Variants in MDGA1 observed in about 807,000 individuals in gnomAD.
MDGA1 encodes the protein MAM domain containing glycosylphosphatidylinositol anchor 1.
Under a neutral mutation model 101.5 loss-of-function variants are expected in MDGA1, and 54 were observed. The ratio of observed to expected loss-of-function variants is 0.53; its 90% CI spans 0.43 to 0.67. The LOEUF (loss-of-function observed/expected upper bound fraction) is 0.67. MDGA1 is among the 30% of genes least tolerant of loss of function. The pLI, the probability that MDGA1 is intolerant of heterozygous loss-of-function variation, is 0.00. For synonymous variants in MDGA1, 533 were observed against 558.3 expected (o/e 0.95, Z 0.64); for missense variants, 1,083 against 1,323.8 (o/e 0.82, Z 2.82).
intron 9 of MDGA1, 76 bp from the exon 10 acceptor site, chr6:37,647,400 G>A: frequency 1.1e-6 from 1 of 874,298 alleles, no homozygotes. Flanking sequence ...GTGGGAAAGG[G>A]AAACAAGAGG....
intron 1 of MDGA1, among the ~76,000 whole-genome samples, chr6:37,688,620 G>A (rs1762246665): frequency 6.6e-6 from 1 of 152,184 alleles, no homozygotes; most frequent in African/African-American, 2.4e-5. Context: ...CAAAAGCACA[G>A]CCTATACCTC....
chr6:37,654,255 C>T lies in MDGA1; in HGVS notation c.982+19G>A, dbSNP rs1292367236. ...GTCTGCCTCACAACTTCCCTCCCACCCCTTCTGAGGCCACGTACATCGCAC... is the reference window on the plus strand; with the variant it reads ...GTCTGCCTCACAACTTCCCTCCCACTCCTTCTGAGGCCACGTACATCGCAC... On this transcript the variant is annotated intron_variant, in intron 6 of 16. Coordinates refer to ENST00000434837, the MANE Select transcript of MDGA1 (RefSeq NM_153487.4). 2 of 1,520,224 alleles carry T rather than the reference C, an allele frequency of 1.3e-6. No homozygotes were observed. The highest frequency in any genetic ancestry group is 2.3e-5 in the East Asian group (1 of 43,886). The allele number at this position is 1,520,224 out of a possible 1,614,324, so 94.2% of individuals were successfully genotyped here. A position where few individuals can be genotyped will look rare whatever the true frequency, so the allele number is the denominator to read the frequency against.
chr6:37,644,656 T>C lies in MDGA1; in HGVS notation c.2249-7A>G. 6.4e-7 allele frequency: 1 copy of C among 1,565,710 alleles called. No homozygotes were observed. The highest frequency in any genetic ancestry group is 2.4e-5 in the East Asian group (1 of 41,588). ...TCAAAGTGGCAGGTGTTGTCTGCAT[T>C]TTATGGGGCGAATGAGACAAAGAGT... On this transcript the variant is annotated splice_region_variant and splice_polypyrimidine_tract_variant and intron_variant, in intron 12 of 16. Coordinates refer to ENST00000434837, the MANE Select transcript of MDGA1 (RefSeq NM_153487.4).
At chr6:37,648,737 T>A in intron 9 of MDGA1, 1 of 627,082 alleles carries the variant, frequency 1.6e-6, no homozygotes, top group Non-Finnish European at 2.6e-6. Context: ...AAGGTGTGAG[T>A]GGAGGGGCGT....
At position 37,654,269 on chromosome 6, in the gene MDGA1, C is replaced by T; in HGVS notation, c.982+5G>A. 2.0e-6 allele frequency: 3 copies of T among 1,536,782 alleles called. No individual in the cohort carries two copies. The highest frequency in any genetic ancestry group is 2.3e-5 in the East Asian group (1 of 44,178). On this transcript the variant is annotated splice_donor_5th_base_variant and intron_variant, in intron 6 of 16. Coordinates refer to ENST00000434837, the MANE Select transcript of MDGA1 (RefSeq NM_153487.4). Reference sequence around the variant, plus strand: ...TTCCCTCCCACCCCTTCTGAGGCCACGTACATCGCACCAGCAGGTTGACAG... The same window carrying T: ...TTCCCTCCCACCCCTTCTGAGGCCATGTACATCGCACCAGCAGGTTGACAG...
At chr6:37,645,539 A>AG (rs1000364687) in intron 12 of MDGA1, among the ~76,000 whole-genome samples, 1 of 105,644 alleles carries the variant, frequency 9.5e-6, no homozygotes, top group Non-Finnish European at 2.3e-5. Context: ...CCATCTCAAA[A>AG]GAAAAAAAAA....
intron 9 of MDGA1, 114 bp downstream of exon 9, chr6:37,648,868 G>C: frequency 4.2e-6 from 6 of 1,429,004 alleles, no homozygotes; most frequent in Middle Eastern, 2.4e-4. Flanking sequence ...GAGTAGGTGG[G>C]CTTCAAGGGG....
At position 37,652,248 on chromosome 6, in the gene MDGA1, C is replaced by T. The variant is rs372686878; in HGVS notation, c.1075G>A (p.Val359Met). Residue 359 changes from valine (V) to methionine (M), a missense_variant, in exon 7 of 17, where the codon GTG becomes ATG. Physicochemically the swap from Val to Met is conservative, Grantham distance 21 (BLOSUM62 1). Transcript: ENST00000434837. This position sits in a 1 kb window ranked among gnomAD's most constrained non-coding sequence, Gnocchi z 4.3. ...ACCTTCTCCTGGGGCACTGCATCCACGTGGCACGATAGCTTCAGGTCCTGG... is the reference window on the plus strand; with the variant it reads ...ACCTTCTCCTGGGGCACTGCATCCATGTGGCACGATAGCTTCAGGTCCTGG... ...LGQDLKLSCH[V>M]DAVPQEKVTY... 35 of 1,613,894 alleles carry T rather than the reference C, an allele frequency of 2.2e-5. No homozygotes were observed. The highest frequency in any genetic ancestry group is 2.8e-5 in the Non-Finnish European group (33 of 1,179,908).
chr6:37,654,628 G>A lies in MDGA1; in HGVS notation c.713-85C>T. On this transcript the variant is annotated intron_variant, in intron 5 of 16. Transcript: ENST00000434837. The stretch of plus-strand genomic sequence containing the variant: ...AGTAAGGGGCTAGGAAAACCATAGA[G>A]GCTGGAGAAGCCCTCAGGGGAGATG... 3 of 1,593,396 alleles carry A rather than the reference G, an allele frequency of 1.9e-6. No individual in the cohort carries two copies. In the South Asian group the frequency reaches 3.3e-5, roughly 18 times the overall value.
chr6:37,666,108 G>A (rs1325183452), intron 1 of MDGA1, among the ~76,000 whole-genome samples: 2 of 151,900 alleles, frequency 1.3e-5, no homozygotes, highest in East Asian at 3.9e-4. Context: ...AGCCCTTTGG[G>A]AGGCCGAGGC....
At position 37,636,060 on chromosome 6, in the gene MDGA1, C is replaced by T; in HGVS notation, c.*1308G>A. ...GCACAAACACATACACACATATGCA[C>T]GCATGCCTAAAGAGTCATTCTAGAA... On this transcript the variant is annotated 3_prime_UTR_variant, in exon 17 of 17. Transcript: ENST00000434837. The T allele has an allele frequency of 4.1e-6, 1 of 246,468 alleles. No homozygotes were observed. The allele number at this position is 246,468 out of a possible 1,614,324, so 15.3% of individuals were successfully genotyped here. A position where few individuals can be genotyped will look rare whatever the true frequency, so the allele number is the denominator to read the frequency against.
chr6:37,695,973 T>C (rs946351511), intron 1 of MDGA1, among the ~76,000 whole-genome samples: 3 of 152,106 alleles, frequency 2.0e-5, no homozygotes, highest in Non-Finnish European at 4.4e-5. Context: ...AGAGTCTCCC[T>C]TGGTAACCAC....
chr6:37,646,385 A>G lies in MDGA1; in HGVS notation c.2047-10T>C. On this transcript the variant is annotated splice_polypyrimidine_tract_variant and intron_variant, in intron 10 of 16. Coordinates refer to ENST00000434837, the MANE Select transcript of MDGA1 (RefSeq NM_153487.4). ...CATTGTGCTGGTTCAACTGTTAAGT[A>G]CAGAGAGTTCCCAGATGCCTAGGAA... is the stretch of plus-strand genomic sequence containing the variant. The G allele has an allele frequency of 6.8e-7, 1 of 1,473,856 alleles. No homozygotes were observed. Among genetic ancestry groups the G allele is most frequent in the Non-Finnish European group, 9.0e-7 (1 of 1,105,530 alleles). The allele number at this position is 1,473,856 out of a possible 1,614,324, so 91.3% of individuals were successfully genotyped here.
intron 16 of MDGA1, 54 bp from the exon 17 acceptor site, chr6:37,637,513 G>A: frequency 1.3e-6 from 2 of 1,524,882 alleles, no homozygotes; most frequent in Non-Finnish European, 1.8e-6. Context: ...GCTCTGGCAG[G>A]GGCAGGAAGT....
At position 37,696,759 on chromosome 6, in the gene MDGA1, C is replaced by A; in HGVS notation, c.53G>T (p.Gly18Val). The A allele has an allele frequency of 1.3e-6, 2 of 1,583,328 alleles. No homozygotes were observed. The highest frequency in any genetic ancestry group is 1.3e-5 in the African/African-American group (1 of 74,404). ...LLALIPFHCR[G>V]QGVYAPAQAQ... ...CGGGCTCTTACCGTAGACTCCTTGT[C>A]CCCGGCAGTGGAAGGGGATCAGCGC... Residue 18 changes from glycine (G) to valine (V), a missense_variant, in exon 1 of 17, where the codon GGA (glycine) becomes GTA (valine). Gly to Val is a moderately radical substitution (Grantham distance 109). Transcript: ENST00000434837. This position sits in a 1 kb window ranked among gnomAD's most constrained non-coding sequence, Gnocchi z 5.6.
intron 1 of MDGA1, among the ~76,000 whole-genome samples, chr6:37,693,871 C>T (rs1322515193): frequency 6.6e-6 from 1 of 152,244 alleles, no homozygotes; most frequent in Admixed American, 6.5e-5. Context: ...CCCCAAAGAA[C>T]AAAGCCACCT....
At chr6:37,640,909 G>A (rs1316752717) in intron 14 of MDGA1, among the ~76,000 whole-genome samples, 1 of 152,142 alleles carries the variant, frequency 6.6e-6, no homozygotes, top group East Asian at 1.9e-4. Context: ...CTGGGGCTTG[G>A]GCCCTGTGAA....
Position 37,638,501 on chromosome 6 carries a change from A to G in MDGA1, c.2667+36T>C. ...TGTTTCCTGGCCACAGCAACCACCG[A>G]AGCCGGGGAGGGTCCTCTGGGCCCT... On this transcript the variant is annotated intron_variant, in intron 15 of 16. Transcript: ENST00000434837. The surrounding 1 kb of genome is among the most constrained non-coding windows in gnomAD (Gnocchi z 4.8). 6.2e-7 allele frequency: 1 copy of G among 1,611,484 alleles called. No individual in the cohort carries two copies. Among genetic ancestry groups the G allele is most frequent in the South Asian group, 1.1e-5 (1 of 91,018 alleles).
At chr6:37,646,928 C>A (rs1054049801) in intron 10 of MDGA1, among the ~76,000 whole-genome samples, 1 of 152,298 alleles carries the variant, frequency 6.6e-6, no homozygotes. Context: ...ACCCAGCAGA[C>A]CCTTGCCTGC....
Sources: gnomAD v4.1 joint callset for allele counts (sites outside exome capture counted in the v4.1 genomes callset) on GRCh38, gnomAD v4.1.1 for gene constraint, Gnocchi (gnomAD v3.1) non-coding constraint, MANE v1.5 for transcripts, NCBI Gene and HGNC (gene_info 2026-07-23, HGNC 2026-07-21) for gene names.